TMEM74: variants seen among roughly 807,000 people sequenced by gnomAD.
TMEM74 encodes the protein transmembrane protein 74.
TMEM74 carries 13 observed loss-of-function variants against 18.1 expected under a neutral mutation model. That is an observed-to-expected ratio of 0.72 (90% CI 0.47 to 1.14). TMEM74 has a LOEUF of 1.14. Among genes scored for constraint, TMEM74 ranks in the 50% most tolerant of loss-of-function variants. The probability of loss-of-function intolerance (pLI) is 0.00; values close to 1 mark genes in which losing one functional copy is unlikely to be tolerated. For synonymous variants in TMEM74, 159 were observed against 146.6 expected (o/e 1.08, Z -0.61); for missense variants, 372 against 375.9 (o/e 0.99, Z 0.09).
chr8:108,708,895 G>A (rs1015671346), intron 1 of TMEM74, among the ~76,000 whole-genome samples: 28 of 139,720 alleles, frequency 2.0e-4, no homozygotes, highest in Admixed American at 8.6e-4. Flanking sequence ...CTCCAAAGAA[G>A]GCAAACAAAT....
chr8:108,711,624 C>T (rs1488437490), intron 1 of TMEM74, among the ~76,000 whole-genome samples: 3 of 152,148 alleles, frequency 2.0e-5, no homozygotes, highest in Non-Finnish European at 4.4e-5. Flanking sequence ...TCCCAGGCCA[C>T]CTTGCAGTCT....
intron 2 of TMEM74, among the ~76,000 whole-genome samples, chr8:108,628,809 T>C (rs1379665504): frequency 6.6e-6 from 1 of 152,132 alleles, no homozygotes; most frequent in Non-Finnish European, 1.5e-5. Flanking sequence ...TTCCTGACTT[T>C]TTAATGATTG....
intron 1 of TMEM74, among the ~76,000 whole-genome samples, chr8:108,690,857 A>G (rs1813220963): frequency 6.6e-6 from 1 of 152,064 alleles, no homozygotes; most frequent in South Asian, 2.1e-4. Flanking sequence ...ATAAAGTGCC[A>G]GCTCAGCCAT....
intron 1 of TMEM74, among the ~76,000 whole-genome samples, chr8:108,668,489 ACT>A (rs1405344795): frequency 6.6e-6 from 1 of 152,038 alleles, no homozygotes; most frequent in African/African-American, 2.4e-5. Context: ...ACCAGCTCTA[ACT>A]CTGGTACTAC....
intron 1 of TMEM74, among the ~76,000 whole-genome samples, chr8:108,668,985 GTTC>G (rs746551800): frequency 3.3e-5 from 5 of 151,972 alleles, no homozygotes; most frequent in Non-Finnish European, 5.9e-5. Flanking sequence ...TTAGTCTGAA[GTTC>G]TGCTGTTTCT....
chr8:108,698,928 G>C (rs1813307415), intron 1 of TMEM74, among the ~76,000 whole-genome samples: 1 of 152,088 alleles, frequency 6.6e-6, no homozygotes, highest in South Asian at 2.1e-4. Flanking sequence ...TGGCTTTGGT[G>C]TCTGTAAATG....
At chr8:108,737,368 A>C (rs1813758763) in intron 1 of TMEM74, among the ~76,000 whole-genome samples, 1 of 152,158 alleles carries the variant, frequency 6.6e-6, no homozygotes, top group African/African-American at 2.4e-5. Flanking sequence ...ATGATTTCTC[A>C]ATGACTTGCA....
At chr8:108,640,878 T>G (rs1412532666) in intron 2 of TMEM74, among the ~76,000 whole-genome samples, 1 of 152,184 alleles carries the variant, frequency 6.6e-6, no homozygotes, top group African/African-American at 2.4e-5. Context: ...CTTCCAGGGA[T>G]GCTATTAACA....
At chr8:108,661,313 A>G (rs1171339646) in intron 1 of TMEM74, among the ~76,000 whole-genome samples, 1 of 151,244 alleles carries the variant, frequency 6.6e-6, no homozygotes, top group Non-Finnish European at 1.5e-5. Context: ...TATGATTTGC[A>G]AGAATTGCTT....
intron 1 of TMEM74, among the ~76,000 whole-genome samples, chr8:108,717,946 T>TAAAAGGACCCCCTGGCTGCTG (rs1232594766): frequency 2.5e-5 from 1 of 39,842 alleles, no homozygotes; most frequent in African/African-American, 9.8e-5. Flanking sequence ...ACTTAGGTTT[T>TAAAAGGACCCCCTGGCTGCTG]TTTTTTTTTT....
intron 2 of TMEM74, among the ~76,000 whole-genome samples, chr8:108,641,714 T>C (rs551490570): frequency 1.3e-5 from 2 of 152,156 alleles, no homozygotes; most frequent in African/African-American, 2.4e-5. Flanking sequence ...GATAGTTAAT[T>C]TGAAAGCCAA....
In TMEM74 at chr8:108,785,027, TC is replaced by T; in HGVS notation, c.71del (p.Arg24LysfsTer70). ...TATCTGCCTGGTCACCAGGCAGCCCTCTTGAACTCCAGTCCCTGGCATCACA... is the reference window on the plus strand; with the variant it reads ...TATCTGCCTGGTCACCAGGCAGCCCTTTGAACTCCAGTCCCTGGCATCACA... ...DLCDARDWSS[R>X]GLPGDQADTA... On this transcript the variant is annotated frameshift_variant, in exon 2 of 2. Coordinates refer to ENST00000297459, the MANE Select transcript of TMEM74 (RefSeq NM_153015.3). LOFTEE classifies it high-confidence loss of function. 6.2e-7 allele frequency: 1 copy of T among 1,613,994 alleles called. No individual in the cohort carries two copies. Among genetic ancestry groups the T allele is most frequent in the South Asian group, 1.1e-5 (1 of 91,048 alleles).
At position 108,721,913 on chromosome 8, in the gene TMEM74, T is replaced by C. The variant is rs79871198; in HGVS notation, n.119+65563A>G. On this transcript the variant is annotated intron_variant and non_coding_transcript_variant, in intron 1 of 3. Transcript: ENST00000518838. ...ACAAATGGAAGCATGCACTCCTTTTTGCCCACTTGGCCCATCTTTCACTCA... is the reference window on the plus strand; with the variant it reads ...ACAAATGGAAGCATGCACTCCTTTTCGCCCACTTGGCCCATCTTTCACTCA... 6.7e-3 allele frequency among the ~76,000 whole-genome samples: 1,020 copies of C among 152,342 alleles called. 11 individuals are homozygous for C. Among genetic ancestry groups the C allele is most frequent in the African/African-American group, 0.024 (986 of 41,570 alleles).
chr8:108,637,068 T>C (rs1378845446), intron 2 of TMEM74, among the ~76,000 whole-genome samples: 4 of 152,090 alleles, frequency 2.6e-5, no homozygotes, highest in African/African-American at 9.7e-5. Flanking sequence ...AAAATGCAGA[T>C]CAAACTTCTC....
At chr8:108,754,199 C>T (rs79346939) in intron 1 of TMEM74, among the ~76,000 whole-genome samples, 7,792 of 152,160 alleles carry the variant, frequency 0.051, 329 homozygotes, top group East Asian at 0.2. Context: ...GTATCTCCTA[C>T]TCCCCTTTGT....
Position 108,736,592 on chromosome 8 carries a change from G to A in TMEM74, n.119+50884C>T, listed in dbSNP as rs567949699. Among the ~76,000 whole-genome samples, 4 of 152,126 alleles carry A rather than the reference G, an allele frequency of 2.6e-5. No homozygotes were observed. In the South Asian group the frequency reaches 6.2e-4, roughly 24 times the overall value. Reference sequence around the variant, plus strand: ...ACATTCAAACTAAGAAAAATAGCAAGTTGATGAGCAGAATTATCTGAGTAG... The same window carrying A: ...ACATTCAAACTAAGAAAAATAGCAAATTGATGAGCAGAATTATCTGAGTAG... On this transcript the variant is annotated intron_variant and non_coding_transcript_variant, in intron 1 of 3. Coordinates refer to the TMEM74 transcript ENST00000518838.
intron 2 of TMEM74, among the ~76,000 whole-genome samples, chr8:108,637,994 A>G (rs559728831): frequency 9.2e-4 from 140 of 152,266 alleles, no homozygotes; most frequent in Admixed American, 2.4e-3. Context: ...GTGTGTTTCT[A>G]GTTTCCTGGT....
At chr8:108,710,632 C>T (rs1813464985) in intron 1 of TMEM74, among the ~76,000 whole-genome samples, 1 of 152,202 alleles carries the variant, frequency 6.6e-6, no homozygotes, top group Admixed American at 6.5e-5. Context: ...AGTTCTTCTA[C>T]ACTGTTCGCC....
At chr8:108,674,758 G>A (rs1292616220) in intron 1 of TMEM74, among the ~76,000 whole-genome samples, 3 of 152,144 alleles carry the variant, frequency 2.0e-5, no homozygotes, top group African/African-American at 7.2e-5. Context: ...ACTCCAGAAT[G>A]GCACCACTCA....
Sources: allele counts gnomAD v4.1 joint callset (sites outside exome capture counted in the v4.1 genomes callset), GRCh38; gene constraint gnomAD v4.1.1; transcripts MANE v1.5; gene names NCBI Gene and HGNC (gene_info 2026-07-23, HGNC 2026-07-21).